The following APP variants were observed in gnomAD, a reference collection of about 807,000 sequenced individuals.
APP encodes amyloid-beta precursor protein.
In APP, 31 loss-of-function variants were observed where a neutral mutation model predicts 101.4. The ratio of observed to expected loss-of-function variants is 0.31; its 90% CI spans 0.23 to 0.41. The LOEUF is 0.41. Ranked by LOEUF, APP falls within the 10% of genes least tolerant of loss-of-function variation. APP has a pLI of 1.00. For synonymous variants in APP, 366 were observed against 364.4 expected (o/e 1.00, Z -0.05); for missense variants, 839 against 1,003.7 (o/e 0.84, Z 2.22).
chr21:25,945,504 A>C (rs2040777604), intron 13 of APP: 1 of 152,456 alleles, frequency 6.6e-6, no homozygotes, highest in Admixed American at 6.6e-5. Flanking sequence ...AAGAAGAACA[A>C]AGATAACGGA....
chr21:25,982,405 T>A lies in APP; in HGVS notation c.1163A>T (p.His388Leu). 1.9e-6 allele frequency: 3 copies of A among 1,613,832 alleles called. No individual in the cohort carries two copies. The highest frequency in any genetic ancestry group is 2.5e-6 in the Non-Finnish European group (3 of 1,179,842). ...YLETPGDENEHAHFQKAKERL... is the reference protein window; with the variant it reads ...YLETPGDENELAHFQKAKERL... Reference sequence around the variant, plus strand: ...CTCTTTGGCTTTCTGGAAATGGGCATGTTCATTCTCATCCCCAGGTGTCTC... The same window carrying A: ...CTCTTTGGCTTTCTGGAAATGGGCAAGTTCATTCTCATCCCCAGGTGTCTC... The change falls in exon 9 of 18, where the codon CAT becomes CTT. Residue 388 changes from histidine (H) to leucine (L), a missense_variant. Physicochemically the swap from His to Leu is moderately conservative, Grantham distance 99. Coordinates refer to ENST00000346798, the MANE Select transcript of APP (RefSeq NM_000484.4).
intron 6 of APP, among the ~76,000 whole-genome samples, chr21:26,005,128 A>G (rs576435058): frequency 6.6e-6 from 1 of 152,232 alleles, no homozygotes; most frequent in Admixed American, 6.5e-5. Flanking sequence ...AAATGAATAT[A>G]GGAAGCCAGG....
At chr21:25,887,841 A>G (rs1391300054) in intron 17 of APP, among the ~76,000 whole-genome samples, 1 of 152,202 alleles carries the variant, frequency 6.6e-6, no homozygotes, top group Non-Finnish European at 1.5e-5. Flanking sequence ...ATTTATGTAC[A>G]TGTACTTTAT....
At chr21:25,913,396 T>G (rs2039179543) in intron 13 of APP, among the ~76,000 whole-genome samples, 1 of 152,186 alleles carries the variant, frequency 6.6e-6, no homozygotes, top group South Asian at 2.1e-4. Flanking sequence ...ATGATGACCT[T>G]TCCCTTACAG....
At chr21:26,068,141 T>C (rs1601379578) in intron 3 of APP, 1 of 152,186 alleles carries the variant, frequency 6.6e-6, no homozygotes. Context: ...CAGAAAGCCA[T>C]GTGCGAGGGA....
chr21:26,112,021 G>A lies in APP; in HGVS notation c.183C>T (p.Thr61=). The A allele has an allele frequency of 6.2e-7, 1 of 1,614,150 alleles. No individual in the cohort carries two copies. Among genetic ancestry groups the A allele is most frequent in the Non-Finnish European group, 8.5e-7 (1 of 1,180,014 alleles). The change falls in exon 2 of 18, where the codon ACC becomes ACT. Residue 61 remains threonine (T), a synonymous_variant. Coordinates refer to ENST00000346798, the MANE Select transcript of APP (RefSeq NM_000484.4). ...KWDSDPSGTK[T]CIDTKEGILQ... ...GGATGCCTTCCTTGGTATCAATGCA[G>A]GTTTTGGTCCCTGATGGATCTGAAT...
At chr21:26,097,560 T>C (rs1254704595) in intron 2 of APP, among the ~76,000 whole-genome samples, 1 of 184 alleles carries the variant, frequency 5.4e-3, no homozygotes, top group Non-Finnish European at 0.012. Context: ...TTCTTCCAAG[T>C]AGATATGGAC....
chr21:26,121,853 A>G (rs2062579445), intron 1 of APP, among the ~76,000 whole-genome samples: 1 of 152,118 alleles, frequency 6.6e-6, no homozygotes, highest in African/African-American at 2.4e-5. Flanking sequence ...ATTTCTTCTC[A>G]TTGACCCACT....
intron 6 of APP, among the ~76,000 whole-genome samples, chr21:26,003,960 C>G (rs112680395): frequency 0.017 from 2,580 of 152,314 alleles, 76 homozygotes; most frequent in African/African-American, 0.059. Flanking sequence ...GGGAATGCAA[C>G]TGTTTGTTTT....
intron 16 of APP, among the ~76,000 whole-genome samples, chr21:25,892,961 AC>A (rs904765331): frequency 1.9e-4 from 10 of 52,100 alleles, no homozygotes; most frequent in African/African-American, 5.6e-4. Flanking sequence ...AAAAAAAAAA[AC>A]AAAAAGGTTT....
chr21:26,041,284 T>G (rs943676946), intron 5 of APP, among the ~76,000 whole-genome samples: 64 of 152,310 alleles, frequency 4.2e-4, no homozygotes, highest in African/African-American at 1.4e-3. Flanking sequence ...CATGTCACAA[T>G]GGAGAGTCCT....
intron 5 of APP, among the ~76,000 whole-genome samples, chr21:26,047,591 T>C (rs1340316505): frequency 6.6e-6 from 1 of 152,204 alleles, no homozygotes; most frequent in Non-Finnish European, 1.5e-5. Flanking sequence ...GATATACTAA[T>C]TATACTGAAT....
chr21:25,933,964 C>T (rs1422792605), intron 13 of APP: 1 of 152,122 alleles, frequency 6.6e-6, no homozygotes, highest in East Asian at 1.9e-4. Context: ...ATGTTGAAGT[C>T]CTAATGCCTA....
Position 26,090,010 on chromosome 21 carries a change from G to A in APP, c.288C>T (p.Asn96=). The A allele has an allele frequency of 1.2e-6, 2 of 1,614,218 alleles. No homozygotes were observed. Among genetic ancestry groups the A allele is most frequent in the African/African-American group, 2.7e-5 (2 of 75,042 alleles). Residue 96 remains asparagine (N), a synonymous_variant, in exon 3 of 18, where the codon AAC becomes AAT. Transcript: ENST00000346798. ...ACTGCTTGCGGCCCCGCTTGCACCAGTTCTGGATGGTCACTGGTTGGTTGG... is the reference window on the plus strand; with the variant it reads ...ACTGCTTGCGGCCCCGCTTGCACCAATTCTGGATGGTCACTGGTTGGTTGG... ...VEANQPVTIQ[N]WCKRGRKQCK... is the part of the protein sequence containing the mutation.
At chr21:25,967,419 T>C (rs1245775506) in intron 11 of APP, among the ~76,000 whole-genome samples, 5 of 152,188 alleles carry the variant, frequency 3.3e-5, no homozygotes. Context: ...ATAATAATCA[T>C]GATAACTGTC....
intron 5 of APP, among the ~76,000 whole-genome samples, chr21:26,022,568 A>G (rs562300611): frequency 6.6e-6 from 1 of 151,946 alleles, no homozygotes; most frequent in African/African-American, 2.4e-5. Context: ...AATCCAGGGG[A>G]AACTGTTGGG....
At chr21:25,894,444 CTG>C (rs1286100423) in intron 16 of APP, among the ~76,000 whole-genome samples, 1 of 152,188 alleles carries the variant, frequency 6.6e-6, no homozygotes, top group Non-Finnish European at 1.5e-5. Flanking sequence ...TTAAGAACAT[CTG>C]TGATCCATGG....
chr21:25,904,822 A>C lies in APP; in HGVS notation c.1963+202T>G, dbSNP rs45556039. On this transcript the variant is annotated intron_variant, in intron 15 of 17. Coordinates refer to ENST00000346798, the MANE Select transcript of APP (RefSeq NM_000484.4). ...TCAAAGGGAAAGCTCAGAAACAAAA[A>C]AAATCATTTCACTCGGAACTTGGGA... 2.3e-3 allele frequency among the ~76,000 whole-genome samples: 352 copies of C among 152,342 alleles called. 1 individual carries two copies. Among genetic ancestry groups the C allele is most frequent in the African/African-American group, 8.1e-3 (338 of 41,590 alleles).
Position 26,122,066 on chromosome 21 carries a change from T to C in APP, c.58-9920A>G, listed in dbSNP as rs192755452. On this transcript the variant is annotated intron_variant, in intron 1 of 17. Coordinates refer to ENST00000346798, the MANE Select transcript of APP (RefSeq NM_000484.4). ...AATCTGCATCTTAGAGTTGCTGATA[T>C]ACTTGGACAAGGGGAAAAAGAAGCA... is the stretch of plus-strand genomic sequence containing the variant. Among the ~76,000 whole-genome samples the C allele has an allele frequency of 4.6e-5, 7 of 152,350 alleles. No individual in the cohort carries two copies. The East Asian group carries it at 1.3e-3, about 29-fold the overall frequency.
Sources: gnomAD v4.1 joint callset for allele counts (sites outside exome capture counted in the v4.1 genomes callset) on GRCh38, gnomAD v4.1.1 for gene constraint, MANE v1.5 for transcripts, NCBI Gene and HGNC (gene_info 2026-07-23, HGNC 2026-07-21) for gene names.